The following SNX30 variants were observed in gnomAD, a reference collection of about 807,000 sequenced individuals.
SNX30 encodes sorting nexin-30.
Under a neutral mutation model 46.4 loss-of-function variants are expected in SNX30, and 24 were observed. The ratio of observed to expected loss-of-function variants is 0.52; its 90% CI spans 0.37 to 0.73. SNX30 has a LOEUF of 0.73. Among genes scored for constraint, SNX30 ranks in the 30% least tolerant of loss-of-function variants. The pLI is 0.00. For missense variants in SNX30, 533 were observed against 555.7 expected (o/e 0.96, Z 0.41); for synonymous variants, 189 against 211.5 (o/e 0.89, Z 0.92).
intron 1 of SNX30, among the ~76,000 whole-genome samples, chr9:112,803,961 T>G (rs2131400770): frequency 2.3e-5 from 3 of 132,626 alleles, no homozygotes; most frequent in Middle Eastern, 7.2e-3. Flanking sequence ...CCCTTGCGCT[T>G]CCCAGGTGAG....
chr9:112,866,552 A>G (rs1422666044), intron 8 of SNX30: 1 of 470,346 alleles, frequency 2.1e-6, no homozygotes. Context: ...ACCCCAGATC[A>G]TCTTCCGTAT....
intron 8 of SNX30, among the ~76,000 whole-genome samples, chr9:112,866,975 T>TTCCTCAGAATTCCTCCCCCC (rs1841361769): frequency 1.7e-4 from 1 of 5,834 alleles, no homozygotes; most frequent in Non-Finnish European, 3.5e-4. Context: ...CTCCTCCTCC[T>TTCCTCAGAATTCCTCCCCCC]TCCTCAGAAT....
downstream of SNX30, among the ~76,000 whole-genome samples, chr9:112,882,819 A>T (rs915974130): frequency 2.0e-5 from 3 of 152,242 alleles, no homozygotes; most frequent in East Asian, 5.8e-4. Flanking sequence ...GGAAGTTTAA[A>T]TGGTAATATG....
intron 2 of SNX30, among the ~76,000 whole-genome samples, chr9:112,808,256 T>C (rs572677818): frequency 1.3e-5 from 2 of 152,366 alleles, no homozygotes; most frequent in East Asian, 1.9e-4. Context: ...GTTGTTCAAA[T>C]GCTTTGCTTT....
At chr9:112,820,049 C>G (rs1274113990) in intron 3 of SNX30, among the ~76,000 whole-genome samples, 2 of 152,182 alleles carry the variant, frequency 1.3e-5, no homozygotes, top group Admixed American at 1.3e-4. Context: ...ACTGGAAGCG[C>G]AAAGGTAAGA....
chr9:112,776,164 C>CT (rs554740353), intron 1 of SNX30, among the ~76,000 whole-genome samples: 31 of 152,196 alleles, frequency 2.0e-4, no homozygotes, highest in Middle Eastern at 3.4e-3. Flanking sequence ...CATCTGCATC[C>CT]TTTTTTGTTC....
chr9:112,849,885 G>A (rs889916256), intron 6 of SNX30, among the ~76,000 whole-genome samples: 3 of 152,212 alleles, frequency 2.0e-5, no homozygotes, highest in Non-Finnish European at 2.9e-5. Context: ...GGAAAAGAAA[G>A]GTCTCATCAC....
rs759848937 is a variant in SNX30 at position 112,868,803 on chromosome 9, C to T, written c.1274C>T (p.Ser425Leu). Residue 425 changes from serine (S) to leucine (L), a missense_variant, in exon 9 of 9, where the codon TCG becomes TTG. Ser to Leu is a moderately radical substitution (Grantham distance 145, BLOSUM62 -2). Coordinates refer to ENST00000374232, the MANE Select transcript of SNX30 (RefSeq NM_001012994.2). ...TTCCAGTGCCTCATGGCGTGGGAGTCGATTATTCCACTACTGCAGGAGAAA... is the reference window on the plus strand; with the variant it reads ...TTCCAGTGCCTCATGGCGTGGGAGTTGATTATTCCACTACTGCAGGAGAAA... ...YYEKCLMAWESIIPLLQEKQE... is the reference protein window; with the variant it reads ...YYEKCLMAWELIIPLLQEKQE... 3.0e-5 allele frequency: 48 copies of T among 1,613,902 alleles called. No individual in the cohort carries two copies. The highest frequency in any genetic ancestry group is 3.6e-5 in the Non-Finnish European group (43 of 1,179,944).
chr9:112,832,857 TAAATA>T (rs568743058), intron 4 of SNX30, among the ~76,000 whole-genome samples: 1,846 of 147,084 alleles, frequency 0.013, 17 homozygotes, highest in Middle Eastern at 0.04. Flanking sequence ...TAATATATAA[TAAATA>T]TAATATATAT....
intron 7 of SNX30, among the ~76,000 whole-genome samples, chr9:112,851,350 G>A (rs1219566391): frequency 2.0e-5 from 3 of 152,244 alleles, no homozygotes; most frequent in Non-Finnish European, 4.4e-5. Context: ...GGAATTTGAT[G>A]TTGCTGCAGA....
At chr9:112,775,758 A>G (rs1381679979) in intron 1 of SNX30, among the ~76,000 whole-genome samples, 1 of 150,640 alleles carries the variant, frequency 6.6e-6, no homozygotes, top group African/African-American at 2.4e-5. Context: ...CTATGCATAA[A>G]TATAAAAATG....
chr9:112,840,550 A>G (rs1022426113), intron 6 of SNX30, among the ~76,000 whole-genome samples: 9 of 152,182 alleles, frequency 5.9e-5, no homozygotes, highest in Non-Finnish European at 7.4e-5. Flanking sequence ...CAGTGGCACA[A>G]TCGTGGCTCA....
At chr9:112,793,399 G>A (rs1223641574) in intron 1 of SNX30, among the ~76,000 whole-genome samples, 2 of 152,180 alleles carry the variant, frequency 1.3e-5, no homozygotes, top group Non-Finnish European at 2.9e-5. Flanking sequence ...AGAAGGCCAT[G>A]TGGGCGGGGT....
intron 1 of SNX30, among the ~76,000 whole-genome samples, chr9:112,781,839 G>T (rs1231445631): frequency 6.7e-6 from 1 of 148,234 alleles, no homozygotes; most frequent in South Asian, 2.1e-4. Context: ...ACGGGGTTTT[G>T]CCATGTTGGT....
chr9:112,826,389 A>G (rs191527867), intron 3 of SNX30, among the ~76,000 whole-genome samples: 2 of 152,328 alleles, frequency 1.3e-5, no homozygotes, highest in Non-Finnish European at 1.5e-5. Context: ...ACTCCTTTCA[A>G]AAAGATTGAA....
chr9:112,783,541 G>C (rs1416270903), intron 1 of SNX30, among the ~76,000 whole-genome samples: 2 of 152,174 alleles, frequency 1.3e-5, no homozygotes, highest in South Asian at 2.1e-4. Context: ...GTCCATCTTA[G>C]CCCCAAGACT....
intron 3 of SNX30, among the ~76,000 whole-genome samples, chr9:112,820,556 T>A (rs545908869): frequency 1.3e-5 from 2 of 152,230 alleles, no homozygotes; most frequent in African/African-American, 4.8e-5. Context: ...ATATAACATA[T>A]AATTCACCCA....
At chr9:112,779,559 G>C (rs544136387) in intron 1 of SNX30, among the ~76,000 whole-genome samples, 2 of 152,124 alleles carry the variant, frequency 1.3e-5, no homozygotes, top group African/African-American at 4.8e-5. Context: ...GCTAGGCATC[G>C]TGGGAGGTGC....
At chr9:112,882,438 A>T (rs185888727), downstream of SNX30, among the ~76,000 whole-genome samples, 11 of 152,236 alleles carry the variant, frequency 7.2e-5, no homozygotes, top group African/African-American at 1.7e-4. Context: ...AGAGCAATGA[A>T]AGCCAAGTGC....
Sources: gnomAD v4.1 joint callset for allele counts (sites outside exome capture counted in the v4.1 genomes callset) on GRCh38, gnomAD v4.1.1 for gene constraint, MANE v1.5 for transcripts, NCBI Gene and HGNC (gene_info 2026-07-23, HGNC 2026-07-21) for gene names.